The following AUTS2 variants were observed in gnomAD, a reference collection of about 807,000 sequenced individuals.
The protein encoded by AUTS2 is activator of transcription and developmental regulator AUTS2.
Under a neutral mutation model 112.4 loss-of-function variants are expected in AUTS2, and 17 were observed. The observed-to-expected ratio is 0.15, with a 90% CI of 0.10 to 0.23. The LOEUF is 0.23. Among genes scored for constraint, AUTS2 ranks in the 10% least tolerant of loss-of-function variants. The pLI is 1.00. For missense variants in AUTS2, 1,510 were observed against 1,701.6 expected (o/e 0.89, Z 1.98); for synonymous variants, 751 against 702.7 (o/e 1.07, Z -1.09).
chr7:69,611,144 CT>C (rs1301847122), intron 1 of AUTS2, among the ~76,000 whole-genome samples: 2 of 152,240 alleles, frequency 1.3e-5, no homozygotes, highest in East Asian at 3.9e-4. Flanking sequence ...TATCAGATTA[CT>C]TTTATATGTC....
At chr7:70,276,811 A>G (rs1041003300) in intron 4 of AUTS2, among the ~76,000 whole-genome samples, 2 of 152,162 alleles carry the variant, frequency 1.3e-5, no homozygotes, top group African/African-American at 4.8e-5. Flanking sequence ...CCTTATGAGG[A>G]AAGATAGAGT....
At chr7:70,592,869 A>G (rs921378302) in intron 5 of AUTS2, among the ~76,000 whole-genome samples, 4 of 152,180 alleles carry the variant, frequency 2.6e-5, no homozygotes, top group African/African-American at 9.6e-5. Context: ...GTTTTTTATT[A>G]GAGACGGTCT....
intron 4 of AUTS2, among the ~76,000 whole-genome samples, chr7:70,432,624 A>G (rs984404458): frequency 5.1e-4 from 78 of 152,170 alleles, no homozygotes; most frequent in Non-Finnish European, 1.9e-4. Context: ...GACCTCTTGT[A>G]TGTGTCGAGC....
At chr7:69,865,274 C>T (rs1465906997) in intron 1 of AUTS2, among the ~76,000 whole-genome samples, 1 of 151,946 alleles carries the variant, frequency 6.6e-6, no homozygotes, top group Non-Finnish European at 1.5e-5. Flanking sequence ...GGTCTTTGGG[C>T]CTGGGCTACA....
chr7:70,214,866 A>G, intron 4 of AUTS2, among the ~76,000 whole-genome samples: 1 of 152,214 alleles, frequency 6.6e-6, no homozygotes, highest in East Asian at 1.9e-4. Context: ...CATTCAAATT[A>G]CTTTTCTTGT....
chr7:70,620,318 T>C (rs938111294), intron 5 of AUTS2, among the ~76,000 whole-genome samples: 2 of 152,194 alleles, frequency 1.3e-5, no homozygotes, highest in African/African-American at 4.8e-5. Flanking sequence ...TACTTACTGG[T>C]GTAGGAACCT....
In AUTS2 at chr7:69,690,968, T is replaced by TGCTGTCAGCAGA. The variant is rs553525379; in HGVS notation, c.309+91007_309+91008insCTGTCAGCAGAG. ...AGCTCCCTTCCACAGCAGGTCATCC[T>TGCTGTCAGCAGA]GACGAGTTTCCAGCTGTCAGCAGAG... On this transcript the variant is annotated intron_variant, in intron 1 of 18. Coordinates refer to ENST00000342771, the MANE Select transcript of AUTS2 (RefSeq NM_015570.4). Among the ~76,000 whole-genome samples, 963 of 152,316 alleles carry TGCTGTCAGCAGA rather than the reference T, an allele frequency of 6.3e-3. 4 individuals are homozygous for TGCTGTCAGCAGA. The highest frequency in any genetic ancestry group is 9.9e-3 in the Non-Finnish European group (676 of 68,012).
At chr7:70,068,539 C>T (rs1206241692) in intron 2 of AUTS2, among the ~76,000 whole-genome samples, 1 of 152,088 alleles carries the variant, frequency 6.6e-6, no homozygotes, top group Non-Finnish European at 1.5e-5. Context: ...TAAAAATTAT[C>T]ATCATGAAAG....
chr7:69,863,745 G>T (rs556044712), intron 1 of AUTS2, among the ~76,000 whole-genome samples: 1 of 152,332 alleles, frequency 6.6e-6, no homozygotes, highest in East Asian at 1.9e-4. Context: ...TTATGTGGCA[G>T]CCCTGCCCCA....
At chr7:69,823,672 A>G (rs1791104900) in intron 1 of AUTS2, among the ~76,000 whole-genome samples, 2 of 152,176 alleles carry the variant, frequency 1.3e-5, no homozygotes, top group Admixed American at 1.3e-4. Flanking sequence ...ACTGGGGATC[A>G]CTTCAGCTTT....
At chr7:70,616,000 C>T (rs978009021) in intron 5 of AUTS2, among the ~76,000 whole-genome samples, 5 of 152,182 alleles carry the variant, frequency 3.3e-5, no homozygotes, top group Non-Finnish European at 7.3e-5. Context: ...CCACCCTGGC[C>T]TCCCAAATTG....
In AUTS2 at chr7:70,766,472, G is replaced by A; in HGVS notation, c.1689+138G>A. On this transcript the variant is annotated intron_variant, in intron 9 of 18. Transcript: ENST00000342771. This position sits in a 1 kb window ranked among gnomAD's most constrained non-coding sequence, Gnocchi z 4.8. Reference sequence around the variant, plus strand: ...GGCTGTTGGCTGGAGAGAAGGGAATGTGTCCTAGTGCCCTGCCTCAGGCAG... The same window carrying A: ...GGCTGTTGGCTGGAGAGAAGGGAATATGTCCTAGTGCCCTGCCTCAGGCAG... 8.9e-7 allele frequency: 1 copy of A among 1,121,520 alleles called. No homozygotes were observed. 69.5% of individuals were successfully genotyped at this position (1,121,520 alleles called of 1,614,324 possible).
intron 5 of AUTS2, among the ~76,000 whole-genome samples, chr7:70,508,576 C>T (rs1338784761): frequency 6.6e-6 from 1 of 152,176 alleles, no homozygotes; most frequent in African/African-American, 2.4e-5. Context: ...GAATCTCCAA[C>T]TCCAACAATG....
At chr7:70,575,119 G>A (rs1009933207) in intron 5 of AUTS2, among the ~76,000 whole-genome samples, 4 of 152,196 alleles carry the variant, frequency 2.6e-5, no homozygotes, top group East Asian at 1.9e-4. Context: ...TTATTAAAAC[G>A]CTCGCAGAGA....
At chr7:70,031,543 A>G (rs907724937) in intron 2 of AUTS2, among the ~76,000 whole-genome samples, 5 of 152,198 alleles carry the variant, frequency 3.3e-5, no homozygotes, top group Non-Finnish European at 7.3e-5. Context: ...TATAAAAAGA[A>G]TTAGATGTTA....
chr7:69,945,954 A>G (rs984889256), intron 2 of AUTS2, among the ~76,000 whole-genome samples: 1 of 152,048 alleles, frequency 6.6e-6, no homozygotes, highest in Non-Finnish European at 1.5e-5. Flanking sequence ...TTCCCACCTC[A>G]GCCTCCTGAG....
chr7:70,624,875 C>T (rs1332920014), intron 5 of AUTS2, among the ~76,000 whole-genome samples: 1 of 152,164 alleles, frequency 6.6e-6, no homozygotes, highest in Admixed American at 6.5e-5. Context: ...CCCATCTGCA[C>T]ATGGCACTGT....
At chr7:70,125,351 T>C (rs931555061) in intron 3 of AUTS2, among the ~76,000 whole-genome samples, 1 of 152,086 alleles carries the variant, frequency 6.6e-6, no homozygotes, top group African/African-American at 2.4e-5. Context: ...AAAGATAATT[T>C]TTCCCCCATT....
At chr7:70,026,107 G>A (rs1327133684) in intron 2 of AUTS2, among the ~76,000 whole-genome samples, 7 of 152,246 alleles carry the variant, frequency 4.6e-5, no homozygotes, top group African/African-American at 7.2e-5. Flanking sequence ...GAAGATGGGC[G>A]CTGCAGCTGC....
Sources: gnomAD v4.1 joint callset for allele counts (sites outside exome capture counted in the v4.1 genomes callset) on GRCh38, gnomAD v4.1.1 for gene constraint, Gnocchi (gnomAD v3.1) non-coding constraint, MANE v1.5 for transcripts, NCBI Gene and HGNC (gene_info 2026-07-23, HGNC 2026-07-21) for gene names.